Variants in CLEC16A observed in about 807,000 individuals in gnomAD.
CLEC16A encodes protein CLEC16A.
In CLEC16A, 51 loss-of-function variants were observed where a neutral mutation model predicts 109.5. That is an observed-to-expected ratio of 0.47 (90% CI 0.37 to 0.59). The LOEUF (loss-of-function observed/expected upper bound fraction) is 0.59, where lower values mean the gene tolerates loss of function less well. CLEC16A is among the 20% of genes least tolerant of loss of function. The pLI is 0.00. For synonymous variants in CLEC16A, 673 were observed against 564.2 expected, an observed-to-expected ratio of 1.19 and a Z score of -2.73; for missense variants, 1,339 against 1,394.0, an observed-to-expected ratio of 0.96 and a Z score of 0.63.
chr16:11,121,039 C>G (rs924498583), intron 20 of CLEC16A, among the ~76,000 whole-genome samples: 1 of 152,200 alleles, frequency 6.6e-6, no homozygotes, highest in African/African-American at 2.4e-5. Context: ...CTTTCCAGAT[C>G]TGTTTTTCTG....
chr16:11,001,192 CCTTCT>C (rs1288666571), intron 10 of CLEC16A, among the ~76,000 whole-genome samples: 1 of 152,126 alleles, frequency 6.6e-6, no homozygotes, highest in Non-Finnish European at 1.5e-5. Flanking sequence ...CTCGAGCGAT[CCTTCT>C]ACCTCAGCCT....
intron 20 of CLEC16A, among the ~76,000 whole-genome samples, chr16:11,122,829 A>T (rs978422447): frequency 6.9e-6 from 1 of 145,036 alleles, no homozygotes; most frequent in Admixed American, 6.9e-5. Context: ...CTACATGTTC[A>T]TTTATTCTCC....
intron 10 of CLEC16A, among the ~76,000 whole-genome samples, chr16:10,990,246 C>T (rs938547511): frequency 6.6e-6 from 1 of 152,336 alleles, no homozygotes; most frequent in Admixed American, 6.5e-5. Context: ...ACTGCAGTTA[C>T]GGCTCTGAGG....
At chr16:10,989,838 T>G (rs893044213) in intron 10 of CLEC16A, among the ~76,000 whole-genome samples, 1 of 152,238 alleles carries the variant, frequency 6.6e-6, no homozygotes, top group Non-Finnish European at 1.5e-5. Context: ...ATTCAGAGCA[T>G]TAATCGTTGA....
chr16:11,004,486 C>G (rs750668168), intron 11 of CLEC16A, among the ~76,000 whole-genome samples: 2 of 152,152 alleles, frequency 1.3e-5, no homozygotes, highest in Non-Finnish European at 2.9e-5. Context: ...AGCCCTCCTC[C>G]TGGGCCTTGG....
chr16:11,064,593 G>T (rs925313287), intron 19 of CLEC16A, among the ~76,000 whole-genome samples: 3 of 152,090 alleles, frequency 2.0e-5, no homozygotes, highest in Non-Finnish European at 4.4e-5. Flanking sequence ...CCTGAGCAAC[G>T]TAGTGAGACC....
intron 1 of CLEC16A, among the ~76,000 whole-genome samples, chr16:10,951,125 C>T (rs772363616): frequency 6.6e-5 from 10 of 152,208 alleles, no homozygotes; most frequent in Non-Finnish European, 5.9e-5. Context: ...GATTTGTTTA[C>T]GTCTGTCATC....
intron 19 of CLEC16A, among the ~76,000 whole-genome samples, chr16:11,104,315 G>C (rs1484886444): frequency 6.6e-6 from 1 of 151,716 alleles, no homozygotes; most frequent in African/African-American, 2.4e-5. Flanking sequence ...GAGTCATAGA[G>C]ATGGGGTCTC....
chr16:11,173,180 C>A (rs1284275379), intron 23 of CLEC16A, among the ~76,000 whole-genome samples: 2 of 152,150 alleles, frequency 1.3e-5, no homozygotes, highest in African/African-American at 4.8e-5. Context: ...AGGACAGAAA[C>A]CCCAAGTAAG....
chr16:11,005,350 T>C (rs2044935392), intron 11 of CLEC16A, among the ~76,000 whole-genome samples: 1 of 152,166 alleles, frequency 6.6e-6, no homozygotes, highest in Non-Finnish European at 1.5e-5. Flanking sequence ...AACGAATTTC[T>C]GCCACGTCCA....
intron 22 of CLEC16A, among the ~76,000 whole-genome samples, chr16:11,142,290 C>T (rs2053871183): frequency 2.0e-5 from 3 of 152,208 alleles, no homozygotes; most frequent in Admixed American, 2.0e-4. Flanking sequence ...AAATTCTTGG[C>T]CTTGCCCTGG....
chr16:11,024,797 A>G (rs201890029), intron 12 of CLEC16A, 24 bp from the exon 13 acceptor site: 73 of 1,559,704 alleles, frequency 4.7e-5, no homozygotes, highest in Non-Finnish European at 6.2e-5. Flanking sequence ...CGTGAGGCTC[A>G]TACATGCCCC....
At position 10,972,954 on chromosome 16, in the gene CLEC16A, G is replaced by C; in HGVS notation, c.621G>C (p.Met207Ile). The change falls in exon 7 of 24, where the codon ATG (methionine) becomes ATC (isoleucine). Residue 207 changes from methionine to isoleucine, a missense_variant. Met to Ile is a conservative substitution (Grantham distance 10). Around this residue, in one of 3 missense-constraint regions of CLEC16A, gnomAD observed 161 missense variants for 267.1 expected, o/e 0.60. Transcript: ENST00000409790. ...TTTTCTCAGTGGATAACCAGGCCAT[G>C]CTGCACTACATCCGAGATAAAACTG... ...VYKVSLDNQA[M>I]LHYIRDKTAV... 6.2e-7 allele frequency: 1 copy of C among 1,609,594 alleles called. No individual in the cohort carries two copies. Among genetic ancestry groups the C allele is most frequent in the Non-Finnish European group, 8.5e-7 (1 of 1,178,612 alleles).
chr16:11,037,868 T>A (rs145109054), intron 13 of CLEC16A, among the ~76,000 whole-genome samples: 1,487 of 146,958 alleles, frequency 0.01, 28 homozygotes, highest in African/African-American at 0.035. Flanking sequence ...AGGACAGTGT[T>A]AACATCTCTG....
intron 16 of CLEC16A, among the ~76,000 whole-genome samples, chr16:11,045,839 G>A (rs554738771): frequency 7.9e-5 from 12 of 152,270 alleles, no homozygotes; most frequent in African/African-American, 2.4e-4. Flanking sequence ...TGCAGGAATC[G>A]TTTTAAGCGA....
At chr16:11,082,647 C>T (rs528004444) in intron 19 of CLEC16A, among the ~76,000 whole-genome samples, 1 of 152,330 alleles carries the variant, frequency 6.6e-6, no homozygotes, top group East Asian at 1.9e-4. Flanking sequence ...CAGCTCAGCC[C>T]TGGCGATCAA....
intron 11 of CLEC16A, among the ~76,000 whole-genome samples, chr16:11,012,125 C>T (rs2045457685): frequency 6.6e-6 from 1 of 152,164 alleles, no homozygotes; most frequent in Non-Finnish European, 1.5e-5. Flanking sequence ...GAAACTGTGA[C>T]CTTAAGGGAA....
intron 10 of CLEC16A, among the ~76,000 whole-genome samples, chr16:10,989,102 G>A (rs1029573364): frequency 6.6e-6 from 1 of 152,222 alleles, no homozygotes; most frequent in Non-Finnish European, 1.5e-5. Flanking sequence ...GTTAGCCATT[G>A]CCATTGAGTG....
At chr16:11,121,903 AAAAAG>A (rs2052446710) in intron 20 of CLEC16A, among the ~76,000 whole-genome samples, 1 of 150,900 alleles carries the variant, frequency 6.6e-6, no homozygotes, top group Non-Finnish European at 1.5e-5. Flanking sequence ...AAAAAAAAAA[AAAAAG>A]TTTGTCAACG....
Sources: allele counts gnomAD v4.1 joint callset (sites outside exome capture counted in the v4.1 genomes callset), GRCh38; gene constraint gnomAD v4.1.1; regional missense constraint gnomAD v4.1.1; transcripts MANE v1.5; gene names NCBI Gene and HGNC (gene_info 2026-07-23, HGNC 2026-07-21).